The following CSMD1 variants were observed in gnomAD, a reference collection of about 807,000 sequenced individuals.
The protein encoded by CSMD1 is CUB and Sushi multiple domains 1, also known as CUB and sushi domain-containing protein 1.
In CSMD1, 213 loss-of-function variants were observed where a neutral mutation model predicts 417.5. That is an observed-to-expected ratio of 0.51 (90% confidence interval 0.46 to 0.57). CSMD1 has a LOEUF of 0.57. Ranked by LOEUF, CSMD1 falls within the 20% of genes least tolerant of loss-of-function variation. The pLI, the probability that CSMD1 is intolerant of heterozygous loss-of-function variation, is 0.00. For missense variants in CSMD1, 6,923 were observed against 4,529.7 expected, an observed-to-expected ratio of 1.53 and a Z score of -15.17; for synonymous variants, 2,862 against 1,736.8, an observed-to-expected ratio of 1.65 and a Z score of -16.11.
chr8:4,087,899 G>A (rs1002949667), intron 3 of CSMD1, among the ~76,000 whole-genome samples: 1 of 151,994 alleles, frequency 6.6e-6, no homozygotes, highest in African/African-American at 2.4e-5. Context: ...CTCATCTTTA[G>A]AAAAAAGGAT....
chr8:3,655,794 G>A (rs536558814), intron 7 of CSMD1, among the ~76,000 whole-genome samples: 78 of 152,014 alleles, frequency 5.1e-4, no homozygotes, highest in Non-Finnish European at 9.4e-4. Context: ...GAGTCTAATA[G>A]CAAGAAAGAA....
intron 2 of CSMD1, among the ~76,000 whole-genome samples, chr8:4,601,051 G>A (rs1254472301): frequency 6.7e-6 from 1 of 150,316 alleles, no homozygotes; most frequent in Non-Finnish European, 1.5e-5. Flanking sequence ...CCGTCTCCCA[G>A]GTTCAAGCGA....
At chr8:3,581,565 T>C (rs1800384431) in intron 9 of CSMD1, among the ~76,000 whole-genome samples, 2 of 152,168 alleles carry the variant, frequency 1.3e-5, no homozygotes, top group African/African-American at 4.8e-5. Flanking sequence ...GGCATGATCA[T>C]TACTTCAGAG....
At chr8:4,339,111 T>C (rs1421359749) in intron 3 of CSMD1, among the ~76,000 whole-genome samples, 1 of 152,096 alleles carries the variant, frequency 6.6e-6, no homozygotes, top group Admixed American at 6.6e-5. Context: ...AGAGCTCATC[T>C]CTGAGGCAGA....
chr8:3,397,640 A>C (rs984374988), intron 16 of CSMD1, among the ~76,000 whole-genome samples: 2 of 152,204 alleles, frequency 1.3e-5, no homozygotes, highest in Admixed American at 6.5e-5. Flanking sequence ...CAGTTGTTTG[A>C]GTTCAAATTC....
At chr8:3,263,558 T>G (rs1305445032) in intron 26 of CSMD1, among the ~76,000 whole-genome samples, 1 of 152,186 alleles carries the variant, frequency 6.6e-6, no homozygotes, top group Non-Finnish European at 1.5e-5. Context: ...GGTAATACAT[T>G]CAAGTAATTT....
chr8:3,874,050 T>C (rs1396505330), intron 5 of CSMD1, among the ~76,000 whole-genome samples: 3 of 152,196 alleles, frequency 2.0e-5, no homozygotes, highest in Non-Finnish European at 2.9e-5. Flanking sequence ...AGCTTTCCAC[T>C]TCCCTCCCCT....
At chr8:3,652,690 C>A (rs933427578) in intron 7 of CSMD1, among the ~76,000 whole-genome samples, 3 of 152,140 alleles carry the variant, frequency 2.0e-5, no homozygotes, top group Non-Finnish European at 4.4e-5. Flanking sequence ...ATGGGGGAAA[C>A]TGCCCATGTG....
intron 7 of CSMD1, among the ~76,000 whole-genome samples, chr8:3,623,837 C>T (rs774856090): frequency 6.6e-6 from 1 of 151,872 alleles, no homozygotes; most frequent in Admixed American, 6.6e-5. Flanking sequence ...ATTAGCTGGG[C>T]GTGCTGGTGT....
At chr8:2,951,413 T>C (rs1334486417) in intron 65 of CSMD1, 138 bp from the exon 66 acceptor site, 2 of 851,542 alleles carry the variant, frequency 2.3e-6, no homozygotes, top group Non-Finnish European at 3.5e-6. Context: ...AGGAGCCTAG[T>C]GCATCGCTGT....
In CSMD1 at chr8:2,974,584, G is replaced by A. The variant is rs766776763; in HGVS notation, c.8607C>T (p.Val2869=). 7.4e-6 allele frequency: 12 copies of A among 1,611,854 alleles called. No individual in the cohort carries two copies. In the Admixed American group the frequency reaches 1.8e-4, roughly 25 times the overall value. The part of the protein sequence containing the change: ...CGHPGVPANA[V]LTGELFTYGA... The stretch of plus-strand genomic sequence containing the variant: ...CATAGGTAAACAGCTCTCCAGTGAG[G>A]ACGGCGTTGGCAGGGACCCCTGGGT... Residue 2869 remains valine, a synonymous_variant, in exon 56 of 70, where the codon GTC becomes GTT. Transcript: ENST00000635120.
intron 12 of CSMD1, among the ~76,000 whole-genome samples, chr8:3,458,459 A>G (rs1197725642): frequency 6.6e-6 from 1 of 152,236 alleles, no homozygotes; most frequent in Non-Finnish European, 1.5e-5. Context: ...CCTGAATGTC[A>G]GCATATCTTC....
At chr8:3,300,958 CAAAAAAAA>C (rs374180480) in intron 25 of CSMD1, among the ~76,000 whole-genome samples, 117 of 50,600 alleles carry the variant, frequency 2.3e-3, no homozygotes, top group African/African-American at 7.6e-3. Context: ...GACTCTGTCT[CAAAAAAAA>C]AAAAAAAAAA....
In CSMD1 at chr8:3,399,437, T is replaced by A; in HGVS notation, c.2359A>T (p.Ile787Leu). The A allele has an allele frequency of 6.2e-7, 1 of 1,609,544 alleles. No homozygotes were observed. Among genetic ancestry groups the A allele is most frequent in the South Asian group, 1.1e-5 (1 of 89,562 alleles). The change falls in exon 16 of 70, where the codon ATA (isoleucine) becomes TTA (leucine). Residue 787 changes from isoleucine (I) to leucine (L), a missense_variant. Transcript: ENST00000635120. The part of the protein sequence containing the change: ...YYKDSLHCEW[I>L]IEAKPGHSIK... Reference sequence around the variant, plus strand: ...GAGTGGCCTGGTTTTGCTTCAATTATCCATTCACAATGTAAAGAATCCTTA... The same window carrying A: ...GAGTGGCCTGGTTTTGCTTCAATTAACCATTCACAATGTAAAGAATCCTTA...
chr8:4,600,457 G>T (rs1800521747), intron 2 of CSMD1, among the ~76,000 whole-genome samples: 1 of 152,158 alleles, frequency 6.6e-6, no homozygotes, highest in African/African-American at 2.4e-5. Flanking sequence ...GATCATCAAT[G>T]CCTTTTCTTG....
rs899240359 is a variant in CSMD1, at chr8:4,092,905, T to A, written c.416-60806A>T. On this transcript the variant is annotated intron_variant, in intron 3 of 69. Coordinates refer to ENST00000635120, the MANE Select transcript of CSMD1 (RefSeq NM_033225.6). ...ACTTCTGGACTTGCCAAAACACAAG[T>A]TTTTTTTAATATTTATTTCTCTGAA... Among the ~76,000 whole-genome samples, 4 of 151,988 alleles carry A rather than the reference T, an allele frequency of 2.6e-5. No individual in the cohort carries two copies. The East Asian group carries it at 5.8e-4, about 22-fold the overall frequency.
At chr8:3,158,972 C>A (rs375522750) in intron 38 of CSMD1, among the ~76,000 whole-genome samples, 1 of 152,168 alleles carries the variant, frequency 6.6e-6, no homozygotes, top group African/African-American at 2.4e-5. Flanking sequence ...CATACTCAAT[C>A]CACCTGCCAC....
chr8:4,299,234 T>C (rs1452762361), intron 3 of CSMD1, among the ~76,000 whole-genome samples: 2 of 152,286 alleles, frequency 1.3e-5, no homozygotes, highest in East Asian at 3.9e-4. Flanking sequence ...CAGAATAAAA[T>C]AAGACACTGT....
chr8:4,439,538 A>G (rs988758862), intron 2 of CSMD1, among the ~76,000 whole-genome samples: 9 of 152,160 alleles, frequency 5.9e-5, no homozygotes, highest in Admixed American at 3.9e-4. Context: ...TTGAAAATGT[A>G]TATTTGAAGT....
Sources: allele counts gnomAD v4.1 joint callset (sites outside exome capture counted in the v4.1 genomes callset), GRCh38; gene constraint gnomAD v4.1.1; transcripts MANE v1.5; gene names NCBI Gene and HGNC (gene_info 2026-07-23, HGNC 2026-07-21).